CHD4: variants seen among roughly 807,000 people sequenced by gnomAD.
The protein encoded by CHD4 is ATP-dependent chromatin remodeler CHD4.
In CHD4, 35 loss-of-function variants were observed where a neutral mutation model predicts 235.5. That is an observed-to-expected ratio of 0.15 (90% CI 0.11 to 0.20). The LOEUF is 0.20. CHD4 is among the 10% of genes least tolerant of loss of function. CHD4 has a pLI of 1.00. For synonymous variants in CHD4, 900 were observed against 850.2 expected (o/e 1.06, Z -1.02); for missense variants, 1,329 against 2,432.3 (o/e 0.55, Z 9.54).
intron 33 of CHD4, chr12:6,580,715 A>AAAAAAAAAAAAAC (rs1948168915): frequency 4.4e-6 from 1 of 226,852 alleles, no homozygotes; most frequent in African/African-American, 2.7e-5. Context: ...AAAAAAAAAA[A>AAAAAAAAAAAAAC]AAAAAAAAAA....
rs1948723060 is a variant in CHD4, at chr12:6,607,325, G to C, written c.-104C>G. 1 of 151,972 alleles carries C rather than the reference G, an allele frequency of 6.6e-6. No individual in the cohort carries two copies. The highest frequency in any genetic ancestry group is 1.5e-5 in the Non-Finnish European group (1 of 67,962). 9.4% of individuals were successfully genotyped at this position (151,972 alleles called of 1,614,324 possible). ...CCCGGAGCCGCCGCAGGTCGCGCTG[G>C]GTCCGGCTCGGTGTCACTCCCGCTC... is the stretch of plus-strand genomic sequence containing the variant. On this transcript the variant is annotated 5_prime_UTR_variant, in exon 1 of 40. Coordinates refer to ENST00000544040, the MANE Select transcript of CHD4 (RefSeq NM_001273.5).
chr12:6,597,955 G>A lies in CHD4; in HGVS notation c.1831C>T (p.Arg611Cys), dbSNP rs1948528490. The A allele has an allele frequency of 1.2e-6, 2 of 1,614,154 alleles. No homozygotes were observed. The highest frequency in any genetic ancestry group is 1.7e-6 in the Non-Finnish European group (2 of 1,180,026). The change falls in exon 12 of 40, where the codon CGC becomes TGC. Residue 611 changes from arginine (R) to cysteine (C), a missense_variant. Around this residue, in one of 26 missense-constraint regions of CHD4, gnomAD observed 121 missense variants for 177.8 expected, o/e 0.68. Transcript: ENST00000544040. The part of the protein sequence containing the change: ...KDPKFAEMEE[R>C]FYRYGIKPEW... The stretch of plus-strand genomic sequence containing the variant: ...GGTTTTATCCCATAGCGATAGAAGC[G>A]TTCCTCCATCTCTGCAAATTTAGGG...
intron 14 of CHD4, among the ~76,000 whole-genome samples, chr12:6,595,003 C>G (rs73047807): frequency 0.11 from 16,784 of 152,202 alleles, 1,127 homozygotes; most frequent in Non-Finnish European, 0.16. Context: ...TTACACTGTA[C>G]AAACAAAACC....
In CHD4 at chr12:6,570,156, CCTTTT is replaced by C. The variant is rs1294315230; in HGVS notation, c.*515_*519del. 2 of 150,080 alleles carry C rather than the reference CCTTTT, an allele frequency of 1.3e-5. No homozygotes were observed. Among genetic ancestry groups the C allele is most frequent in the East Asian group, 2.1e-4 (1 of 4,722 alleles). 9.3% of individuals were successfully genotyped at this position (150,080 alleles called of 1,614,324 possible). On this transcript the variant is annotated 3_prime_UTR_variant, in exon 40 of 40. Coordinates refer to ENST00000544040, the MANE Select transcript of CHD4 (RefSeq NM_001273.5). ...TGGTTTTTTATGCTTTTGGTTTTTT[CCTTTT>C]TTTTTTTTTCCACTTTATTTCATTT...
chr12:6,588,056 C>T, intron 23 of CHD4, 107 bp from the exon 24 acceptor site: 1 of 1,257,758 alleles, frequency 8.0e-7, no homozygotes, highest in Non-Finnish European at 1.1e-6. Flanking sequence ...GGTCCACAGC[C>T]TACATTCATA....
At chr12:6,595,765 G>T (rs1444099627) in intron 13 of CHD4, among the ~76,000 whole-genome samples, 2 of 150,152 alleles carry the variant, frequency 1.3e-5, no homozygotes, top group South Asian at 2.1e-4. Flanking sequence ...TCCAGCCTGG[G>T]GGACAAGAGC....
intron 2 of CHD4, among the ~76,000 whole-genome samples, chr12:6,603,928 C>T (rs1018466749): frequency 4.1e-4 from 62 of 152,132 alleles, no homozygotes; most frequent in African/African-American, 1.3e-3. Flanking sequence ...AGATTCCTAT[C>T]CAACATATGG....
Position 6,600,934 on chromosome 12 carries a change from T to C in CHD4, c.919A>G (p.Arg307Gly). 1 of 1,590,278 alleles carries C rather than the reference T, an allele frequency of 6.3e-7. No homozygotes were observed. The highest frequency in any genetic ancestry group is 8.5e-7 in the Non-Finnish European group (1 of 1,171,092). The change falls in exon 7 of 40, where the codon AGA (arginine) becomes GGA (glycine). Residue 307 changes from arginine (R) to glycine (G), a missense_variant. Arg to Gly is a moderately radical substitution (Grantham distance 125). Coordinates refer to ENST00000544040, the MANE Select transcript of CHD4 (RefSeq NM_001273.5). ...KLGGFGSKRKRSSSEDDDLDV... is the reference protein window; with the variant it reads ...KLGGFGSKRKGSSSEDDDLDV... ...ATGGGCTGGGCTCTCACCGAGGATCTCTTACGCTTGGAACCAAAACCTCCC... is the reference window on the plus strand; with the variant it reads ...ATGGGCTGGGCTCTCACCGAGGATCCCTTACGCTTGGAACCAAAACCTCCC...
Position 6,578,971 on chromosome 12 carries a change from G to A in CHD4, c.4910-54C>T, listed in dbSNP as rs373195727. 3.7e-5 allele frequency: 55 copies of A among 1,502,144 alleles called. No homozygotes were observed. The African/African-American group carries it at 5.0e-4, about 14-fold the overall frequency. The allele number at this position is 1,502,144 out of a possible 1,614,324, so 93.1% of individuals were successfully genotyped here. On this transcript the variant is annotated intron_variant, in intron 33 of 39. Coordinates refer to ENST00000544040, the MANE Select transcript of CHD4 (RefSeq NM_001273.5). ...ACCTAAAGGAAGAACATTCTCCTCT[G>A]TTGCACACTATTATCCAATTGGATA...
At chr12:6,574,271 T>C (rs541708041) in intron 37 of CHD4, among the ~76,000 whole-genome samples, 2 of 152,304 alleles carry the variant, frequency 1.3e-5, no homozygotes, top group Non-Finnish European at 2.9e-5. Flanking sequence ...TTATGTTGTA[T>C]GCACATGAAT....
chr12:6,595,502 T>G, intron 13 of CHD4, 72 bp from the exon 14 acceptor site: 1 of 1,314,784 alleles, frequency 7.6e-7, no homozygotes, highest in East Asian at 2.3e-5. Flanking sequence ...CCAGGCACAG[T>G]GGCTCACACC....
At chr12:6,601,606 G>C in intron 5 of CHD4, 42 bp downstream of exon 5, 2 of 1,613,360 alleles carry the variant, frequency 1.2e-6, no homozygotes, top group South Asian at 2.2e-5. Context: ...AGAGAGAACA[G>C]AAAGATTCTC....
At chr12:6,571,268 T>C (rs886784057) in intron 38 of CHD4, 12 of 479,238 alleles carry the variant, frequency 2.5e-5, no homozygotes, top group African/African-American at 7.9e-5. Context: ...CTTACTATTA[T>C]TGTATTTCCT....
In CHD4 at chr12:6,596,152, G is replaced by C; in HGVS notation, c.1893-15C>G. 6.2e-7 allele frequency: 1 copy of C among 1,609,968 alleles called. No homozygotes were observed. On this transcript the variant is annotated splice_polypyrimidine_tract_variant and intron_variant, in intron 12 of 39. Transcript: ENST00000544040. ...TCTTGTCCACACTGCAAGTCCAGGA[G>C]AGAAAACCCTCAGAGCCAGAAAAGG...
At chr12:6,600,727 G>A (rs1352471775) in intron 7 of CHD4, 58 bp from the exon 8 acceptor site, 4 of 1,595,444 alleles carry the variant, frequency 2.5e-6, no homozygotes, top group East Asian at 4.5e-5. Context: ...GGACAGAGTG[G>A]CAGAGAGGGG....
In CHD4 at chr12:6,600,912, G is replaced by C. The variant is rs760012522; in HGVS notation, c.927+14C>G. On this transcript the variant is annotated intron_variant, in intron 7 of 39. Coordinates refer to ENST00000544040, the MANE Select transcript of CHD4 (RefSeq NM_001273.5). Reference sequence around the variant, plus strand: ...ACATGGCACCCTCCCTAAAGCGATGGGCTGGGCTCTCACCGAGGATCTCTT... The same window carrying C: ...ACATGGCACCCTCCCTAAAGCGATGCGCTGGGCTCTCACCGAGGATCTCTT... 5.7e-6 allele frequency: 9 copies of C among 1,568,020 alleles called. No homozygotes were observed. Among genetic ancestry groups the C allele is most frequent in the Non-Finnish European group, 6.9e-6 (8 of 1,161,226 alleles).
intron 37 of CHD4, among the ~76,000 whole-genome samples, chr12:6,577,357 G>C (rs1345204627): frequency 1.3e-5 from 2 of 150,862 alleles, no homozygotes; most frequent in Admixed American, 6.6e-5. Context: ...AGGACACAGA[G>C]GTTGTAGTGA....
In CHD4 at chr12:6,602,066, G is replaced by A. The variant is rs1218545996; in HGVS notation, c.332C>T (p.Thr111Ile). ...CTTCTTCTTCTTCTTCTTGCCAGGA[G>A]TATAGTCGCTGCCCTCACTGTCTGA... is the stretch of plus-strand genomic sequence containing the variant. Reference protein sequence around the residue: ...LRSDSEGSDYTPGKKKKKKLG... With the variant: ...LRSDSEGSDYIPGKKKKKKLG... The change falls in exon 4 of 40, where the codon ACT (threonine) becomes ATT (isoleucine). Residue 111 changes from threonine to isoleucine, a missense_variant. Around this residue, in one of 26 missense-constraint regions of CHD4, gnomAD observed 213 missense variants for 177.5 expected, o/e 1.20. Coordinates refer to ENST00000544040, the MANE Select transcript of CHD4 (RefSeq NM_001273.5). The A allele has an allele frequency of 1.1e-5, 18 of 1,613,406 alleles. No individual in the cohort carries two copies. Among genetic ancestry groups the A allele is most frequent in the Non-Finnish European group, 1.4e-5 (17 of 1,179,868 alleles).
At chr12:6,599,184 C>G (rs1948547808) in intron 10 of CHD4, among the ~76,000 whole-genome samples, 2 of 152,180 alleles carry the variant, frequency 1.3e-5, no homozygotes, top group African/African-American at 4.8e-5. Flanking sequence ...GTAATGCCAG[C>G]ACTTAATGAG....
Sources: allele counts gnomAD v4.1 joint callset (sites outside exome capture counted in the v4.1 genomes callset), GRCh38; gene constraint gnomAD v4.1.1; regional missense constraint gnomAD v4.1.1; transcripts MANE v1.5; gene names NCBI Gene and HGNC (gene_info 2026-07-23, HGNC 2026-07-21).